The following MMP24 variants were observed in gnomAD, a reference collection of about 807,000 sequenced individuals.
MMP24 encodes matrix metallopeptidase 24.
Under a neutral mutation model 62.8 loss-of-function variants are expected in MMP24, and 25 were observed. The observed-to-expected ratio is 0.40, with a 90% CI of 0.29 to 0.56. The LOEUF (loss-of-function observed/expected upper bound fraction) is 0.56, where lower values mean the gene tolerates loss of function less well. MMP24 is among the 20% of genes least tolerant of loss of function. The pLI, the probability that MMP24 is intolerant of heterozygous loss-of-function variation, is 0.50. For missense variants in MMP24, 634 were observed against 853.6 expected (o/e 0.74, Z 3.21); for synonymous variants, 319 against 350.5 (o/e 0.91, Z 1.00).
chr20:35,262,785 C>T (rs1302565260), intron 4 of MMP24: 1 of 140,586 alleles, frequency 7.1e-6, no homozygotes, highest in Non-Finnish European at 1.5e-5. Context: ...GGCAGAGGTC[C>T]CTGCGGCCTT....
intron 8 of MMP24, 173 bp downstream of exon 8, chr20:35,272,008 C>A: frequency 1.4e-6 from 1 of 721,956 alleles, no homozygotes; most frequent in Non-Finnish European, 2.2e-6. Flanking sequence ...CACTTACCAG[C>A]TGCCAAGTCA....
chr20:35,265,791 C>T (rs533065904), intron 5 of MMP24, among the ~76,000 whole-genome samples: 2 of 152,100 alleles, frequency 1.3e-5, no homozygotes, highest in Admixed American at 6.5e-5. Flanking sequence ...AAGAACTAGT[C>T]ATTCATCTTA....
intron 1 of MMP24, among the ~76,000 whole-genome samples, chr20:35,243,869 AT>A (rs1216076958): frequency 1.3e-5 from 2 of 152,222 alleles, no homozygotes; most frequent in African/African-American, 4.8e-5. Context: ...GAGAATCAAT[AT>A]TTAGGGAACT....
chr20:35,250,725 ACAT>A (rs2060540461), intron 2 of MMP24, among the ~76,000 whole-genome samples: 1 of 152,246 alleles, frequency 6.6e-6, no homozygotes, highest in South Asian at 2.1e-4. Context: ...GGAAACAAGC[ACAT>A]CATCATATGG....
At chr20:35,234,998 A>G (rs1235880721) in intron 1 of MMP24, among the ~76,000 whole-genome samples, 2 of 152,246 alleles carry the variant, frequency 1.3e-5, no homozygotes, top group Non-Finnish European at 2.9e-5. Flanking sequence ...AAGACTGGCA[A>G]TGAGGAACCA....
At chr20:35,239,133 A>ACCTCCTGG (rs1391064769) in intron 1 of MMP24, among the ~76,000 whole-genome samples, 1 of 148,324 alleles carries the variant, frequency 6.7e-6, no homozygotes, top group Non-Finnish European at 1.5e-5. Context: ...TGCAACCTCC[A>ACCTCCTGG]CCTCCTGGGG....
At chr20:35,235,653 A>G (rs2060459347) in intron 1 of MMP24, among the ~76,000 whole-genome samples, 1 of 152,022 alleles carries the variant, frequency 6.6e-6, no homozygotes, top group Non-Finnish European at 1.5e-5. Context: ...AGCCAAAATC[A>G]CGCCATTGCA....
At chr20:35,258,216 C>A (rs2060584643) in intron 4 of MMP24, among the ~76,000 whole-genome samples, 1 of 152,108 alleles carries the variant, frequency 6.6e-6, no homozygotes. Flanking sequence ...AACATTTCAC[C>A]TTTAAATACT....
At chr20:35,242,469 C>A (rs546765728) in intron 1 of MMP24, among the ~76,000 whole-genome samples, 1 of 152,230 alleles carries the variant, frequency 6.6e-6, no homozygotes, top group East Asian at 1.9e-4. Flanking sequence ...TCCCCATGCT[C>A]AACAAATAAG....
chr20:35,236,203 G>GA (rs144096559), intron 1 of MMP24: 7,095 of 152,018 alleles, frequency 0.047, 542 homozygotes, highest in African/African-American at 0.16. Context: ...TGTAAGTGAA[G>GA]AAAAAAAACA....
At chr20:35,254,948 C>T (rs2060567696) in intron 4 of MMP24, among the ~76,000 whole-genome samples, 194 bp downstream of exon 4, 1 of 152,096 alleles carries the variant, frequency 6.6e-6, no homozygotes, top group Admixed American at 6.5e-5. Flanking sequence ...GGAGATGAGT[C>T]AGATCACTTA....
rs767472986 is a variant in MMP24 at position 35,254,493 on chromosome 20, A to G, written c.556A>G (p.Lys186Glu). The G allele has an allele frequency of 1.2e-5, 19 of 1,613,950 alleles. No individual in the cohort carries two copies. Among genetic ancestry groups the G allele is most frequent in the Non-Finnish European group, 1.4e-5 (17 of 1,179,910 alleles). Residue 186 changes from lysine (K) to glutamate (E), a missense_variant, in exon 4 of 9, where the codon AAA becomes GAA. Physicochemically the swap from Lys to Glu is moderately conservative, Grantham distance 56. This residue lies in a region of MMP24 where 212 missense variants were observed against 259.6 expected (regional missense o/e 0.82). Coordinates refer to ENST00000246186, the MANE Select transcript of MMP24 (RefSeq NM_006690.4). ...AAAAGTGGGTGAGCTAGACACGCGG[A>G]AAGCTATTCGCCAGGCTTTCGATGT... is the stretch of plus-strand genomic sequence containing the variant. ...TPKVGELDTR[K>E]AIRQAFDVWQ...
intron 1 of MMP24, 122 bp downstream of exon 1, chr20:35,227,106 G>C: frequency 1.2e-6 from 1 of 821,994 alleles, no homozygotes; most frequent in Non-Finnish European, 1.5e-6. Flanking sequence ...GCGGCGCGCC[G>C]GGGGTCCGCG....
chr20:35,227,290 G>A (rs2060418545), intron 1 of MMP24, among the ~76,000 whole-genome samples: 1 of 151,808 alleles, frequency 6.6e-6, no homozygotes. Context: ...GACTATGTGC[G>A]AGGGAAACCG....
intron 4 of MMP24, among the ~76,000 whole-genome samples, chr20:35,260,453 T>C (rs2060596554): frequency 6.6e-6 from 1 of 152,020 alleles, no homozygotes; most frequent in Non-Finnish European, 1.5e-5. Context: ...GAGCTCCCTG[T>C]GGACAGCCCC....
Position 35,267,416 on chromosome 20 carries a change from T to C in MMP24, c.1191T>C (p.Phe397=), listed in dbSNP as rs373122960. Reference sequence around the variant, plus strand: ...TCTTCCGGGGCGAGATGTTTGTCTTTAAGGTAGGGCCAATGGATTGGCACC... The same window carrying C: ...TCTTCCGGGGCGAGATGTTTGTCTTCAAGGTAGGGCCAATGGATTGGCACC... ...VALFRGEMFV[F]KDRWFWRLRN... Residue 397 remains phenylalanine (F), a synonymous_variant, in exon 6 of 9, where the codon TTT becomes TTC. Transcript: ENST00000246186. 112 of 1,554,302 alleles carry C rather than the reference T, an allele frequency of 7.2e-5. No individual in the cohort carries two copies. The African/African-American group carries it at 1.4e-3, about 20-fold the overall frequency.
At chr20:35,258,997 A>G (rs373844952) in intron 4 of MMP24, among the ~76,000 whole-genome samples, 27 of 152,196 alleles carry the variant, frequency 1.8e-4, no homozygotes, top group Middle Eastern at 6.8e-3. Flanking sequence ...CCTGGCCAAC[A>G]TGGCAAAACC....
At chr20:35,260,897 T>A (rs1274098040) in intron 4 of MMP24, among the ~76,000 whole-genome samples, 1 of 152,112 alleles carries the variant, frequency 6.6e-6, no homozygotes, top group African/African-American at 2.4e-5. Flanking sequence ...CCCACCCCCA[T>A]GTGTCCCTAG....
intron 6 of MMP24, among the ~76,000 whole-genome samples, chr20:35,268,260 C>T (rs944702531): frequency 1.3e-5 from 2 of 152,228 alleles, no homozygotes; most frequent in African/African-American, 2.4e-5. Flanking sequence ...AAGCAGGGAA[C>T]ATCCCCAAAG....
Sources: gnomAD v4.1 joint callset for allele counts (sites outside exome capture counted in the v4.1 genomes callset) on GRCh38, gnomAD v4.1.1 for gene constraint, gnomAD v4.1.1 regional missense constraint, MANE v1.5 for transcripts, NCBI Gene and HGNC (gene_info 2026-07-23, HGNC 2026-07-21) for gene names.